GNAL: variants seen among roughly 807,000 people sequenced by gnomAD.
The protein encoded by GNAL is guanine nucleotide-binding protein G(olf) subunit alpha.
A neutral mutation model predicts 55.1 loss-of-function variants in GNAL; 18 were observed. That is an observed-to-expected ratio of 0.33 (90% CI 0.23 to 0.48). The LOEUF is 0.48. GNAL is among the 20% of genes least tolerant of loss of function. The pLI is 0.99. For missense variants in GNAL, 412 were observed against 614.1 expected (o/e 0.67, Z 3.48); for synonymous variants, 253 against 237.0 (o/e 1.07, Z -0.62).
chr18:11,723,852 C>T (rs1014010648), intron 1 of GNAL, among the ~76,000 whole-genome samples: 27 of 152,176 alleles, frequency 1.8e-4, no homozygotes, highest in Admixed American at 1.3e-3. Context: ...GAGTGTGGCA[C>T]CTCTCCCCCA....
rs2032822414 is a variant in GNAL at position 11,751,431 on chromosome 18, G to A, written c.377-1422G>A. ...AGGAGAAACGGGGGCTGGAGGTAAA[G>A]ACAGGAGGCTCGGGAGGCGGCGACG... On this transcript the variant is annotated intron_variant, in intron 1 of 11. Coordinates refer to ENST00000334049, the MANE Select transcript of GNAL (RefSeq NM_182978.4). This position sits in a 1 kb window ranked among gnomAD's most constrained non-coding sequence, Gnocchi z 4.5. The A allele has an allele frequency of 2.4e-6, 2 of 834,032 alleles. No homozygotes were observed. The highest frequency in any genetic ancestry group is 2.9e-6 in the Non-Finnish European group (2 of 691,358). The allele number at this position is 834,032 out of a possible 1,614,324, so 51.7% of individuals were successfully genotyped here.
At chr18:11,742,279 G>A (rs1404058827) in intron 1 of GNAL, among the ~76,000 whole-genome samples, 1 of 152,204 alleles carries the variant, frequency 6.6e-6, no homozygotes, top group Admixed American at 6.5e-5. Flanking sequence ...AAATCCTCAA[G>A]GATGTCCACA....
At chr18:11,771,245 T>C (rs930751560) in intron 4 of GNAL, among the ~76,000 whole-genome samples, 3 of 151,588 alleles carry the variant, frequency 2.0e-5, no homozygotes, top group African/African-American at 7.3e-5. Context: ...AAAAAGAGAT[T>C]ATCATTAGTG....
intron 1 of GNAL, among the ~76,000 whole-genome samples, chr18:11,733,389 G>GT (rs775776423): frequency 1.3e-5 from 2 of 152,258 alleles, no homozygotes; most frequent in Non-Finnish European, 2.9e-5. Flanking sequence ...AAACTGGGGA[G>GT]TGAGGCCAGT....
At chr18:11,814,109 A>C (rs1598482587) in intron 4 of GNAL, among the ~76,000 whole-genome samples, 1 of 152,364 alleles carries the variant, frequency 6.6e-6, no homozygotes, top group East Asian at 1.9e-4. Flanking sequence ...AAAATGGAAG[A>C]AATATTTTTT....
intron 9 of GNAL, among the ~76,000 whole-genome samples, chr18:11,869,471 GAT>G (rs2036344693): frequency 1.3e-5 from 2 of 152,100 alleles, no homozygotes; most frequent in Non-Finnish European, 2.9e-5. Context: ...ATGAAGTTCT[GAT>G]AGTTCTTTGT....
At chr18:11,768,389 G>A (rs951471295) in intron 4 of GNAL, among the ~76,000 whole-genome samples, 2 of 152,054 alleles carry the variant, frequency 1.3e-5, no homozygotes, top group Non-Finnish European at 2.9e-5. Flanking sequence ...TCACCTGAGG[G>A]TCAGGAGTTC....
At chr18:11,710,425 A>T (rs2031808248) in intron 1 of GNAL, among the ~76,000 whole-genome samples, 1 of 152,218 alleles carries the variant, frequency 6.6e-6, no homozygotes, top group African/African-American at 2.4e-5. Flanking sequence ...TTAAGTTAGA[A>T]TTAAAATTAT....
chr18:11,760,180 A>C (rs1195527699), intron 4 of GNAL, among the ~76,000 whole-genome samples: 1 of 152,156 alleles, frequency 6.6e-6, no homozygotes, highest in Non-Finnish European at 1.5e-5. Context: ...CTGCTAACTT[A>C]GGTTATGATA....
intron 4 of GNAL, among the ~76,000 whole-genome samples, chr18:11,799,707 T>G (rs1000332560): frequency 1.3e-5 from 2 of 152,248 alleles, no homozygotes; most frequent in Non-Finnish European, 2.9e-5. Flanking sequence ...GAAATACTTT[T>G]GGCCCCAGCC....
intron 9 of GNAL, among the ~76,000 whole-genome samples, chr18:11,869,237 G>A (rs1266931125): frequency 6.6e-6 from 1 of 151,802 alleles, no homozygotes; most frequent in East Asian, 1.9e-4. Flanking sequence ...TCCACCTCCC[G>A]GGTTCATGCC....
At chr18:11,816,019 C>T (rs1467906260) in intron 4 of GNAL, among the ~76,000 whole-genome samples, 2 of 152,116 alleles carry the variant, frequency 1.3e-5, no homozygotes, top group African/African-American at 4.8e-5. Flanking sequence ...CTAAACATTG[C>T]CCTTGACAAT....
chr18:11,740,710 A>G (rs1003652042), intron 1 of GNAL, among the ~76,000 whole-genome samples: 4 of 152,176 alleles, frequency 2.6e-5, no homozygotes, highest in Non-Finnish European at 5.9e-5. Flanking sequence ...TTGCTCAACC[A>G]TACAATACAT....
chr18:11,700,577 C>T (rs2031543248), intron 1 of GNAL, among the ~76,000 whole-genome samples: 2 of 152,246 alleles, frequency 1.3e-5, no homozygotes. Context: ...AAGGGTTAGA[C>T]AGCTCTCTTC....
At chr18:11,744,464 T>C (rs188697698) in intron 1 of GNAL, among the ~76,000 whole-genome samples, 1 of 152,302 alleles carries the variant, frequency 6.6e-6, no homozygotes, top group African/African-American at 2.4e-5. Context: ...TGATCTCTGC[T>C]GCTAAAAATG....
chr18:11,845,683 G>A (rs1031151412), intron 5 of GNAL, among the ~76,000 whole-genome samples: 3 of 151,620 alleles, frequency 2.0e-5, no homozygotes, highest in Non-Finnish European at 4.4e-5. Context: ...GGTAGCTTGC[G>A]CCACTCCGGG....
At chr18:11,694,032 A>G (rs1429843999) in intron 1 of GNAL, among the ~76,000 whole-genome samples, 1 of 151,554 alleles carries the variant, frequency 6.6e-6, no homozygotes, top group African/African-American at 2.4e-5. Flanking sequence ...TTTGTATTTT[A>G]TATAGAGATG....
At chr18:11,693,405 T>C (rs1008204389) in intron 1 of GNAL, among the ~76,000 whole-genome samples, 1 of 150,946 alleles carries the variant, frequency 6.6e-6, no homozygotes, top group Non-Finnish European at 1.5e-5. Context: ...GTGTATTGTA[T>C]GTATCCTCCA....
intron 1 of GNAL, among the ~76,000 whole-genome samples, chr18:11,703,826 C>CAG (rs769624745): frequency 1.3e-5 from 2 of 151,584 alleles, no homozygotes; most frequent in Non-Finnish European, 2.9e-5. Flanking sequence ...CACACACACA[C>CAG]ACACACACAG....
Sources: allele counts gnomAD v4.1 joint callset (sites outside exome capture counted in the v4.1 genomes callset), GRCh38; gene constraint gnomAD v4.1.1; non-coding constraint Gnocchi (gnomAD v3.1); transcripts MANE v1.5; gene names NCBI Gene and HGNC (gene_info 2026-07-23, HGNC 2026-07-21).